The following SLC25A33 variants were observed in gnomAD, a reference collection of about 807,000 sequenced individuals.
The protein encoded by SLC25A33 is bone marrow stromal cell mitochondrial carrier protein.
In SLC25A33, 15 loss-of-function variants were observed where a neutral mutation model predicts 35.5. That is an observed-to-expected ratio of 0.42 (90% CI 0.28 to 0.65). The LOEUF is 0.65. SLC25A33 is among the 30% of genes least tolerant of loss of function. The probability of loss-of-function intolerance (pLI) is 0.20; values close to 1 mark genes in which losing one functional copy is unlikely to be tolerated. For missense variants in SLC25A33, 257 were observed against 398.5 expected (o/e 0.64, Z 3.02); for synonymous variants, 136 against 148.7 (o/e 0.91, Z 0.62).
At chr1:9,576,974 G>A (rs753002799) in intron 5 of SLC25A33, 1 of 1,226,118 alleles carries the variant, frequency 8.2e-7, no homozygotes, top group Non-Finnish European at 1.2e-6. Flanking sequence ...TGTTCAGCAG[G>A]CTGATGAATA....
At chr1:9,546,101 A>G (rs545515286) in intron 1 of SLC25A33, among the ~76,000 whole-genome samples, 30 of 151,748 alleles carry the variant, frequency 2.0e-4, no homozygotes, top group African/African-American at 6.5e-4. Context: ...TAGTTTAACA[A>G]TTGTTCCTAG....
At chr1:9,554,292 G>A (rs1643309926) in intron 2 of SLC25A33, among the ~76,000 whole-genome samples, 1 of 152,166 alleles carries the variant, frequency 6.6e-6, no homozygotes. Flanking sequence ...GCCTCCCAAA[G>A]TGCTGGTATT....
Position 9,582,271 on chromosome 1 carries a change from CG to C in SLC25A33, c.764-27del, listed in dbSNP as rs749999105. 8.2e-5 allele frequency: 132 copies of C among 1,610,164 alleles called. No homozygotes were observed. The highest frequency in any genetic ancestry group is 1.0e-4 in the Non-Finnish European group (122 of 1,176,726). ...GATTCGTTCCCCATTTAATATGTGG[CG>C]TAAAGTAGGTCTTTCTCTCTCTGCA... is the stretch of plus-strand genomic sequence containing the variant. On this transcript the variant is annotated intron_variant, in intron 6 of 6. Coordinates refer to ENST00000302692, the MANE Select transcript of SLC25A33 (RefSeq NM_032315.3). This position sits in a 1 kb window ranked among gnomAD's most constrained non-coding sequence, Gnocchi z 4.0.
Position 9,565,023 on chromosome 1 carries a change from T to C in SLC25A33, c.237-2261T>C, listed in dbSNP as rs1184474918. ...AATAAGCCAGTCACAAAAAAAGATG[T>C]GACGCCACTGATAAGAGATACCTAG... On this transcript the variant is annotated intron_variant, in intron 2 of 6. Transcript: ENST00000302692. Among the ~76,000 whole-genome samples the C allele has an allele frequency of 2.0e-5, 3 of 152,138 alleles. No homozygotes were observed. In the East Asian group the frequency reaches 5.8e-4, roughly 29 times the overall value.
At chr1:9,541,687 A>ATTT (rs752384884) in intron 1 of SLC25A33, among the ~76,000 whole-genome samples, 16 of 138,524 alleles carry the variant, frequency 1.2e-4, no homozygotes, top group African/African-American at 4.2e-4. Context: ...CAACTTGGCC[A>ATTT]TTTTTTTTTT....
chr1:9,564,739 A>AATATATATATATAT (rs70979762), intron 2 of SLC25A33, among the ~76,000 whole-genome samples: 14 of 96,522 alleles, frequency 1.5e-4, no homozygotes, highest in South Asian at 3.1e-4. Flanking sequence ...AAAAAAAAAA[A>AATATATATATATAT]ATATATATAT....
Position 9,582,314 on chromosome 1 carries a change from G to A in SLC25A33, c.779G>A (p.Arg260Lys). 3 of 1,613,974 alleles carry A rather than the reference G, an allele frequency of 1.9e-6. No individual in the cohort carries two copies. Among genetic ancestry groups the A allele is most frequent in the Non-Finnish European group, 2.5e-6 (3 of 1,179,864 alleles). ...CTCTCTGCAGAAGTCATAAGGACGA[G>A]GCTCCGGGAAGAGGGCACCAAGTAC... ...IAYPHEVIRT[R>K]LREEGTKYKS... Residue 260 changes from arginine (R) to lysine (K), a missense_variant, in exon 7 of 7, where the codon AGG becomes AAG. By Grantham distance (26) the Arg-to-Lys change is conservative. Transcript: ENST00000302692. This position sits in a 1 kb window ranked among gnomAD's most constrained non-coding sequence, Gnocchi z 4.0.
At chr1:9,568,026 A>G (rs1261085779) in intron 3 of SLC25A33, among the ~76,000 whole-genome samples, 1 of 152,234 alleles carries the variant, frequency 6.6e-6, no homozygotes, top group Non-Finnish European at 1.5e-5. Context: ...AAGAGCAGAG[A>G]TACAGGGCAT....
rs554872724 is a variant in SLC25A33, at chr1:9,561,679, G to A, written c.237-5605G>A. Among the ~76,000 whole-genome samples, 14 of 152,104 alleles carry A rather than the reference G, an allele frequency of 9.2e-5. No individual in the cohort carries two copies. In the East Asian group the frequency reaches 9.7e-4, roughly 10 times the overall value. On this transcript the variant is annotated intron_variant, in intron 2 of 6. Coordinates refer to ENST00000302692, the MANE Select transcript of SLC25A33 (RefSeq NM_032315.3). ...ACAGGCCTGAGTCACTTGAGGACAC[G>A]AGTTCCCTACTGCATTATGGATGAG...
At chr1:9,562,393 A>G (rs1035807791) in intron 2 of SLC25A33, among the ~76,000 whole-genome samples, 28 of 151,492 alleles carry the variant, frequency 1.8e-4, no homozygotes, top group African/African-American at 6.8e-4. Context: ...GCTGTTGTCT[A>G]TAATCTCATC....
chr1:9,553,407 G>A (rs1387046436), intron 1 of SLC25A33, among the ~76,000 whole-genome samples: 1 of 150,772 alleles, frequency 6.6e-6, no homozygotes, highest in Non-Finnish European at 1.5e-5. Flanking sequence ...TTCTTTTTTT[G>A]TATTTTTAGT....
At chr1:9,555,975 GTGTC>G (rs1296034245) in intron 2 of SLC25A33, among the ~76,000 whole-genome samples, 1 of 152,210 alleles carries the variant, frequency 6.6e-6, no homozygotes, top group Non-Finnish European at 1.5e-5. Context: ...ATGAGCCACT[GTGTC>G]TGGGTGAGAA....
intron 2 of SLC25A33, among the ~76,000 whole-genome samples, chr1:9,557,738 G>C (rs2100385944): frequency 6.6e-6 from 1 of 152,220 alleles, no homozygotes; most frequent in African/African-American, 2.4e-5. Flanking sequence ...GTTAGAAAAA[G>C]ACGTAATAAA....
At chr1:9,558,346 C>G (rs1448811178) in intron 2 of SLC25A33, among the ~76,000 whole-genome samples, 3 of 152,174 alleles carry the variant, frequency 2.0e-5, no homozygotes, top group Admixed American at 6.5e-5. Flanking sequence ...GCCTTACAAC[C>G]TCTGGCTGTT....
At chr1:9,551,434 G>A (rs80216655) in intron 1 of SLC25A33, among the ~76,000 whole-genome samples, 3 of 152,072 alleles carry the variant, frequency 2.0e-5, no homozygotes, top group Non-Finnish European at 2.9e-5. Context: ...TACTTCATTC[G>A]TTACTTTCAG....
chr1:9,577,312 G>T (rs1283648623), intron 5 of SLC25A33, among the ~76,000 whole-genome samples: 1 of 152,056 alleles, frequency 6.6e-6, no homozygotes, highest in South Asian at 2.1e-4. Flanking sequence ...GCCGGGTGTG[G>T]TGTCATGCCT....
At chr1:9,555,325 A>G (rs61782983) in intron 2 of SLC25A33, among the ~76,000 whole-genome samples, 21,160 of 151,732 alleles carry the variant, frequency 0.14, 1,895 homozygotes, top group East Asian at 0.21. Context: ...TCACCATGTT[A>G]GCCAGGATGG....
intron 1 of SLC25A33, among the ~76,000 whole-genome samples, chr1:9,542,182 G>A (rs1235848866): frequency 6.6e-6 from 1 of 152,162 alleles, no homozygotes; most frequent in Non-Finnish European, 1.5e-5. Context: ...CTCACTGTGA[G>A]ATGGATGGCC....
chr1:9,553,768 C>T lies in SLC25A33; in HGVS notation c.199C>T (p.Pro67Ser), dbSNP rs758662410. ...GTISGAGMVR[P>S]TSVTPGLFQV... ...CATTAGTGGAGCTGGAATGGTGAGA[C>T]CAACATCCGTGACACCTGGACTCTT... Residue 67 changes from proline (P) to serine (S), a missense_variant, in exon 2 of 7, where the codon CCA becomes TCA. Transcript: ENST00000302692. The T allele has an allele frequency of 1.9e-6, 3 of 1,614,154 alleles. No homozygotes were observed. Among genetic ancestry groups the T allele is most frequent in the East Asian group, 2.2e-5 (1 of 44,882 alleles).
Sources: allele counts gnomAD v4.1 joint callset (sites outside exome capture counted in the v4.1 genomes callset), GRCh38; gene constraint gnomAD v4.1.1; non-coding constraint Gnocchi (gnomAD v3.1); transcripts MANE v1.5; gene names NCBI Gene and HGNC (gene_info 2026-07-23, HGNC 2026-07-21).